GTF2B: variants seen among roughly 807,000 people sequenced by gnomAD.
The protein encoded by GTF2B is general transcription factor IIB.
In GTF2B, 20 loss-of-function variants were observed where a neutral mutation model predicts 34.6. That is an observed-to-expected ratio of 0.58 (90% confidence interval 0.41 to 0.84). GTF2B has a LOEUF of 0.84. Ranked by LOEUF, GTF2B falls within the 40% of genes least tolerant of loss-of-function variation. The pLI is 0.00. For synonymous variants in GTF2B, 142 were observed against 132.4 expected, an observed-to-expected ratio of 1.07 and a Z score of -0.50; for missense variants, 237 against 393.3, an observed-to-expected ratio of 0.60 and a Z score of 3.36.
intron 2 of GTF2B, among the ~76,000 whole-genome samples, chr1:88,870,581 T>C (rs1673668132): frequency 6.6e-6 from 1 of 152,186 alleles, no homozygotes; most frequent in Admixed American, 6.5e-5. Context: ...AATTGCTATA[T>C]TTTATATGCT....
chr1:88,855,333 A>G (rs575041560), intron 6 of GTF2B, among the ~76,000 whole-genome samples: 31 of 150,334 alleles, frequency 2.1e-4, no homozygotes, highest in African/African-American at 7.1e-4. Context: ...AAAGTTATTG[A>G]GGCCAGTAAT....
intron 3 of GTF2B, among the ~76,000 whole-genome samples, chr1:88,862,618 C>A (rs80115101): frequency 6.6e-6 from 1 of 151,984 alleles, no homozygotes; most frequent in Non-Finnish European, 1.5e-5. Flanking sequence ...GTGCCTGAGG[C>A]GGGAGGACTG....
In GTF2B at chr1:88,891,562, T is replaced by C. The variant is rs1479606852; in HGVS notation, c.-63A>G. The C allele has an allele frequency of 4.7e-6, 7 of 1,487,828 alleles. No individual in the cohort carries two copies. In the East Asian group the frequency reaches 9.5e-5, roughly 20 times the overall value. The allele number at this position is 1,487,828 out of a possible 1,614,324, so 92.2% of individuals were successfully genotyped here. ...AGACACACCGAAAGCAGGAAGCGAA[T>C]GTGGCGAAGAGACGCGCAGAGATGA... On this transcript the variant is annotated 5_prime_UTR_variant, in exon 1 of 7. Coordinates refer to ENST00000370500, the MANE Select transcript of GTF2B (RefSeq NM_001514.6).
intron 2 of GTF2B, among the ~76,000 whole-genome samples, chr1:88,883,502 G>A (rs1673991357): frequency 1.3e-5 from 2 of 151,918 alleles, no homozygotes; most frequent in African/African-American, 4.8e-5. Flanking sequence ...ATCACTTGAG[G>A]CCAGGGTTCA....
At chr1:88,890,262 C>A (rs1277168330) in intron 1 of GTF2B, among the ~76,000 whole-genome samples, 1 of 151,930 alleles carries the variant, frequency 6.6e-6, no homozygotes, top group Non-Finnish European at 1.5e-5. Context: ...CAGAACAACA[C>A]CCAGATAGAA....
intron 2 of GTF2B, among the ~76,000 whole-genome samples, chr1:88,873,781 A>C (rs887874505): frequency 2.0e-5 from 3 of 152,154 alleles, no homozygotes; most frequent in African/African-American, 7.2e-5. Context: ...CTTATGACAT[A>C]AACTAGAGTT....
rs1210418956 is a variant in GTF2B, at chr1:88,853,440, T to G, written c.818-94A>C. 2.6e-6 allele frequency: 3 copies of G among 1,140,182 alleles called. No individual in the cohort carries two copies. The African/African-American group carries it at 4.6e-5, about 18-fold the overall frequency. The allele number at this position is 1,140,182 out of a possible 1,614,324, so 70.6% of individuals were successfully genotyped here. A position where few individuals can be genotyped will look rare whatever the true frequency, so the allele number is the denominator to read the frequency against. Reference sequence around the variant, plus strand: ...ATTTGTGAGATATGATAGTATAAAGTGCCAAACTTAAAAACAAAACCAGAA... The same window carrying G: ...ATTTGTGAGATATGATAGTATAAAGGGCCAAACTTAAAAACAAAACCAGAA... On this transcript the variant is annotated intron_variant, in intron 6 of 6. Coordinates refer to ENST00000370500, the MANE Select transcript of GTF2B (RefSeq NM_001514.6).
At chr1:88,880,431 A>G (rs1673909757) in intron 2 of GTF2B, among the ~76,000 whole-genome samples, 1 of 152,214 alleles carries the variant, frequency 6.6e-6, no homozygotes. Flanking sequence ...TGCAAATTCA[A>G]TTACATATAC....
intron 5 of GTF2B, among the ~76,000 whole-genome samples, chr1:88,857,993 A>C (rs941445207): frequency 6.7e-6 from 1 of 148,324 alleles, no homozygotes; most frequent in Non-Finnish European, 1.5e-5. Flanking sequence ...AATGTTCTTC[A>C]CTCTTTCAAT....
At chr1:88,862,960 T>TG (rs908976485) in intron 3 of GTF2B, among the ~76,000 whole-genome samples, 44 of 149,764 alleles carry the variant, frequency 2.9e-4, no homozygotes, top group African/African-American at 1.1e-3. Flanking sequence ...AAGACTTTTT[T>TG]GGAAAAAAAA....
intron 2 of GTF2B, among the ~76,000 whole-genome samples, chr1:88,881,008 C>CAAAAAAAAAAAA: frequency 1.1e-5 from 1 of 92,788 alleles, no homozygotes; most frequent in Non-Finnish European, 2.2e-5. Flanking sequence ...GATGCTGTCT[C>CAAAAAAAAAAAA]AAAAAAAAAA....
chr1:88,862,224 T>C (rs1419090925), intron 3 of GTF2B, among the ~76,000 whole-genome samples: 2 of 152,204 alleles, frequency 1.3e-5, no homozygotes, highest in African/African-American at 4.8e-5. Flanking sequence ...AAATTTATTA[T>C]GTGATAAATC....
rs1674058428 is a variant in GTF2B, at chr1:88,886,024, G to A, written c.124+1237C>T. On this transcript the variant is annotated intron_variant, in intron 2 of 6. Coordinates refer to ENST00000370500, the MANE Select transcript of GTF2B (RefSeq NM_001514.6). Reference sequence around the variant, plus strand: ...CCTTATCTGTAAAATGAAGATAATGGTAGTACTCACCTCACAGGTTTGTTG... The same window carrying A: ...CCTTATCTGTAAAATGAAGATAATGATAGTACTCACCTCACAGGTTTGTTG... Among the ~76,000 whole-genome samples, 2 of 152,110 alleles carry A rather than the reference G, an allele frequency of 1.3e-5. 1 individual carries two copies. Among genetic ancestry groups the A allele is most frequent in the South Asian group, 4.1e-4 (2 of 4,824 alleles).
chr1:88,858,156 C>T (rs1478029195), intron 5 of GTF2B, among the ~76,000 whole-genome samples: 1 of 151,622 alleles, frequency 6.6e-6, no homozygotes, highest in Non-Finnish European at 1.5e-5. Context: ...CCTGCCACCA[C>T]ACCCGGCTAA....
intron 2 of GTF2B, among the ~76,000 whole-genome samples, chr1:88,883,795 G>A (rs1255122862): frequency 6.6e-6 from 1 of 152,148 alleles, no homozygotes. Flanking sequence ...GATGAATAAT[G>A]TAATAGGCTT....
At chr1:88,881,169 TA>T (rs537366934) in intron 2 of GTF2B, among the ~76,000 whole-genome samples, 5,179 of 125,330 alleles carry the variant, frequency 0.041, 110 homozygotes, top group South Asian at 0.068. Context: ...GGTATGTATT[TA>T]AAAAAAAAAA....
intron 2 of GTF2B, among the ~76,000 whole-genome samples, chr1:88,870,365 T>C (rs1313053850): frequency 2.0e-5 from 3 of 152,228 alleles, no homozygotes; most frequent in African/African-American, 7.2e-5. Context: ...AATTAAAAAC[T>C]CATTCCCACT....
At chr1:88,869,458 T>C (rs1055185853) in intron 2 of GTF2B, among the ~76,000 whole-genome samples, 3 of 152,228 alleles carry the variant, frequency 2.0e-5, no homozygotes, top group African/African-American at 7.2e-5. Flanking sequence ...TCAAAACTTT[T>C]TGAAATTTTT....
At chr1:88,853,700 A>C (rs948198664) in intron 6 of GTF2B, among the ~76,000 whole-genome samples, 3 of 152,180 alleles carry the variant, frequency 2.0e-5, no homozygotes, top group African/African-American at 7.2e-5. Context: ...GCTACTCAGG[A>C]GGCTGAGGCA....
Sources: gnomAD v4.1 joint callset for allele counts (sites outside exome capture counted in the v4.1 genomes callset) on GRCh38, gnomAD v4.1.1 for gene constraint, MANE v1.5 for transcripts, NCBI Gene and HGNC (gene_info 2026-07-23, HGNC 2026-07-21) for gene names.